The following CCDC102B variants were observed in gnomAD, a reference collection of about 807,000 sequenced individuals.
CCDC102B encodes coiled-coil domain containing 102B, also known as coiled-coil domain-containing protein 102B.
In CCDC102B, 75 loss-of-function variants were observed where a neutral mutation model predicts 57.4. That is an observed-to-expected ratio of 1.31 (90% confidence interval 1.08 to 1.58). The LOEUF (loss-of-function observed/expected upper bound fraction) is 1.58. Ranked by LOEUF, CCDC102B falls within the 40% of genes most tolerant of loss-of-function variation. The pLI is 0.00. For missense variants in CCDC102B, 636 were observed against 582.6 expected (o/e 1.09, Z -0.94); for synonymous variants, 206 against 201.9 (o/e 1.02, Z -0.17).
downstream of CCDC102B, chr18:69,055,315 T>C (rs1251642494): frequency 1.9e-5 from 4 of 208,422 alleles, no homozygotes; most frequent in Non-Finnish European, 3.3e-5. Context: ...GATCTTCAAG[T>C]GCGCACTGGT....
chr18:68,862,431 T>C (rs1485434138), intron 4 of CCDC102B, among the ~76,000 whole-genome samples: 2 of 152,150 alleles, frequency 1.3e-5, no homozygotes, highest in Non-Finnish European at 2.9e-5. Context: ...AAAAAAACCA[T>C]TTGAATCATT....
At chr18:68,922,888 G>C (rs2041334773) in intron 6 of CCDC102B, among the ~76,000 whole-genome samples, 1 of 151,968 alleles carries the variant, frequency 6.6e-6, no homozygotes, top group Admixed American at 6.6e-5. Context: ...CTATAATCTT[G>C]GGTATAAATT....
intron 6 of CCDC102B, among the ~76,000 whole-genome samples, chr18:68,991,904 T>A: frequency 6.6e-6 from 1 of 152,150 alleles, no homozygotes; most frequent in East Asian, 1.9e-4. Context: ...CTAATTTATA[T>A]ATGCACATGA....
intron 6 of CCDC102B, among the ~76,000 whole-genome samples, chr18:68,957,606 G>A (rs1433777192): frequency 1.9e-5 from 2 of 106,438 alleles, no homozygotes; most frequent in Admixed American, 2.2e-4. Context: ...TTGGTCTTTT[G>A]TGGTTCCATA....
At chr18:68,868,686 A>T (rs1285126688) in intron 4 of CCDC102B, among the ~76,000 whole-genome samples, 1 of 152,194 alleles carries the variant, frequency 6.6e-6, no homozygotes, top group Non-Finnish European at 1.5e-5. Flanking sequence ...ATGCTAATTG[A>T]TATTCAATAC....
chr18:68,721,210 A>G (rs948490563), intron 2 of CCDC102B: 1 of 152,260 alleles, frequency 6.6e-6, no homozygotes, highest in Non-Finnish European at 1.5e-5. Flanking sequence ...AGTATAATAC[A>G]TGTGCAAACA....
chr18:69,003,011 T>C (rs1434962336), intron 6 of CCDC102B, among the ~76,000 whole-genome samples: 1 of 152,180 alleles, frequency 6.6e-6, no homozygotes, highest in Non-Finnish European at 1.5e-5. Flanking sequence ...CCTCCAATGC[T>C]ATCTTCCAGT....
intron 6 of CCDC102B, 51 bp downstream of exon 6, chr18:68,897,479 C>A: frequency 6.4e-7 from 1 of 1,563,494 alleles, no homozygotes; most frequent in Non-Finnish European, 8.8e-7. Context: ...CACTCTGATG[C>A]CTACGCAGAG....
chr18:68,831,642 A>G (rs562436440), intron 1 of CCDC102B, among the ~76,000 whole-genome samples: 1 of 152,268 alleles, frequency 6.6e-6, no homozygotes, highest in African/African-American at 2.4e-5. Flanking sequence ...ATTTGCACCA[A>G]CTAGCAGAGA....
rs377640790 is a variant in CCDC102B, at chr18:68,999,837, G to T, written c.1264-11097G>T. Among the ~76,000 whole-genome samples, 262 of 152,118 alleles carry T rather than the reference G, an allele frequency of 1.7e-3. No homozygotes were observed. In the Middle Eastern group the frequency reaches 0.027, roughly 16 times the overall value. On this transcript the variant is annotated intron_variant, in intron 6 of 7. Transcript: ENST00000360242. Reference sequence around the variant, plus strand: ...AGAGAATAGAAATAGTGACACTTTTGTTCATTTTTTTCATACTTATCACTA... The same window carrying T: ...AGAGAATAGAAATAGTGACACTTTTTTTCATTTTTTTCATACTTATCACTA...
At chr18:68,857,176 TAAAA>T (rs1169026589) in intron 4 of CCDC102B, among the ~76,000 whole-genome samples, 6 of 17,078 alleles carry the variant, frequency 3.5e-4, no homozygotes, top group East Asian at 1.0e-3. Flanking sequence ...ATATAATATA[TAAAA>T]ATATATTTAT....
At chr18:68,777,928 A>T (rs2034879469) in intron 2 of CCDC102B, among the ~76,000 whole-genome samples, 2 of 152,182 alleles carry the variant, frequency 1.3e-5, no homozygotes, top group African/African-American at 4.8e-5. Flanking sequence ...GATTCCCATT[A>T]CTTGCTGTTA....
chr18:68,941,778 T>A (rs1335685248), intron 6 of CCDC102B, among the ~76,000 whole-genome samples: 1 of 152,100 alleles, frequency 6.6e-6, no homozygotes, highest in African/African-American at 2.4e-5. Flanking sequence ...AGAGGAACAG[T>A]TCCATTTTCT....
chr18:68,715,656 A>G (rs1318576807), intron 1 of CCDC102B: 1 of 152,216 alleles, frequency 6.6e-6, no homozygotes, highest in Non-Finnish European at 1.5e-5. Context: ...ACTTGAGAAC[A>G]TGAAGTTAAG....
chr18:68,718,761 C>T lies in CCDC102B; in HGVS notation c.-67+2167C>T, dbSNP rs186389998. ...CTGATCAGTCCCTAGAGAATCTGACCCAGTGGGGCCCATCAATTTACATTT... is the reference window on the plus strand; with the variant it reads ...CTGATCAGTCCCTAGAGAATCTGACTCAGTGGGGCCCATCAATTTACATTT... On this transcript the variant is annotated intron_variant, in intron 2 of 3. Transcript: ENST00000578970. Among the ~76,000 whole-genome samples, 327 of 152,084 alleles carry T rather than the reference C, an allele frequency of 2.2e-3. 1 individual carries two copies. The highest frequency in any genetic ancestry group is 3.4e-3 in the Middle Eastern group (1 of 294).
chr18:68,869,381 G>A (rs1317193661), intron 4 of CCDC102B, among the ~76,000 whole-genome samples: 1 of 152,110 alleles, frequency 6.6e-6, no homozygotes. Context: ...TTTGAACAAG[G>A]GCATTGTCAA....
chr18:68,829,508 A>G (rs977205478), intron 1 of CCDC102B, among the ~76,000 whole-genome samples: 22 of 152,000 alleles, frequency 1.4e-4, no homozygotes, highest in African/African-American at 5.3e-4. Flanking sequence ...TATTATATGT[A>G]CTTTTTGAAA....
chr18:68,870,813 A>G (rs2039211524), intron 4 of CCDC102B, among the ~76,000 whole-genome samples: 4 of 152,210 alleles, frequency 2.6e-5, no homozygotes, highest in Admixed American at 6.5e-5. Context: ...TGGAGTCTGC[A>G]TTAACTATTT....
rs565244694 is a variant in CCDC102B, at chr18:68,840,936, A to G, written c.827+2010A>G. 1.4e-4 allele frequency among the ~76,000 whole-genome samples: 22 copies of G among 152,320 alleles called. No homozygotes were observed. The South Asian group carries it at 4.6e-3, about 32-fold the overall frequency. On this transcript the variant is annotated intron_variant, in intron 3 of 7. Coordinates refer to ENST00000360242, the MANE Select transcript of CCDC102B (RefSeq NM_024781.3). Reference sequence around the variant, plus strand: ...TCTCAGTGACTTCAGTCTATAATCCATAGACAGGCCAAAGAATAAGAGAAA... The same window carrying G: ...TCTCAGTGACTTCAGTCTATAATCCGTAGACAGGCCAAAGAATAAGAGAAA...
Sources: gnomAD v4.1 joint callset for allele counts (sites outside exome capture counted in the v4.1 genomes callset) on GRCh38, gnomAD v4.1.1 for gene constraint, MANE v1.5 for transcripts, NCBI Gene and HGNC (gene_info 2026-07-23, HGNC 2026-07-21) for gene names.